Variants in RFX7 observed in about 807,000 individuals in gnomAD.
RFX7 encodes the protein DNA-binding protein RFX7.
In RFX7, 26 loss-of-function variants were observed where a neutral mutation model predicts 111.8. The ratio of observed to expected loss-of-function variants is 0.23; its 90% CI spans 0.17 to 0.32. The LOEUF is 0.32. RFX7 is among the 10% of genes least tolerant of loss of function. The probability of loss-of-function intolerance (pLI) is 1.00; values close to 1 mark genes in which losing one functional copy is unlikely to be tolerated. For synonymous variants in RFX7, 624 were observed against 624.4 expected (o/e 1.00, Z 0.01); for missense variants, 1,573 against 1,772.9 (o/e 0.89, Z 2.02).
At position 56,094,746 on chromosome 15, in the gene RFX7, T is replaced by G. The variant is rs771271783; in HGVS notation, c.2982A>C (p.Leu994Phe). The G allele has an allele frequency of 9.3e-6, 15 of 1,613,742 alleles. No individual in the cohort carries two copies. The highest frequency in any genetic ancestry group is 1.3e-5 in the Non-Finnish European group (15 of 1,179,786). ...CAATGGGTGTATGTCGGCTACTTCC[T>G]AAAGCACTATCCACAGGTGTAGTCT... ...LAQTTPVDSA[L>F]GSSRHTPIGT... Residue 994 changes from leucine (L) to phenylalanine (F), a missense_variant, in exon 10 of 10, where the codon TTA becomes TTC. This residue lies in a region of RFX7 where 625 missense variants were observed against 632.2 expected (regional missense o/e 0.99). Coordinates refer to ENST00000559447, the MANE Select transcript of RFX7 (RefSeq NM_022841.7).
chr15:56,136,693 C>T (rs2141006271), intron 5 of RFX7, among the ~76,000 whole-genome samples: 1 of 150,578 alleles, frequency 6.6e-6, no homozygotes, highest in East Asian at 2.0e-4. Context: ...CTGTCTTGTG[C>T]CAGTTTTCAA....
intron 5 of RFX7, among the ~76,000 whole-genome samples, 177 bp from the exon 6 acceptor site, chr15:56,103,847 G>C (rs1367811359): frequency 6.6e-6 from 1 of 152,176 alleles, no homozygotes; most frequent in Non-Finnish European, 1.5e-5. Flanking sequence ...GGTTTAGTTA[G>C]CTGGCTTCAA....
chr15:56,207,350 T>A (rs1284245969), intron 2 of RFX7, among the ~76,000 whole-genome samples: 1 of 152,160 alleles, frequency 6.6e-6, no homozygotes, highest in African/African-American at 2.4e-5. Context: ...TGTGGATGGC[T>A]AGTGTTGATG....
At chr15:56,113,284 A>G (rs1333472008) in intron 5 of RFX7, among the ~76,000 whole-genome samples, 1 of 152,252 alleles carries the variant, frequency 6.6e-6, no homozygotes, top group East Asian at 1.9e-4. Flanking sequence ...TGGATAAAGA[A>G]AATGTACATA....
chr15:56,170,077 T>G (rs1375622430), intron 3 of RFX7, among the ~76,000 whole-genome samples: 1 of 152,202 alleles, frequency 6.6e-6, no homozygotes, highest in African/African-American at 2.4e-5. Context: ...CCGCAGTATG[T>G]TTAATGATTG....
intron 5 of RFX7, among the ~76,000 whole-genome samples, chr15:56,117,446 A>G (rs1177218276): frequency 6.6e-6 from 1 of 152,184 alleles, no homozygotes; most frequent in African/African-American, 2.4e-5. Flanking sequence ...TGAACAGATC[A>G]GGGTAATTAG....
chr15:56,226,927 T>G (rs2043492110), intron 2 of RFX7, among the ~76,000 whole-genome samples: 1 of 152,114 alleles, frequency 6.6e-6, no homozygotes, highest in South Asian at 2.1e-4. Context: ...AAAAGGGAGC[T>G]TGCTTTCTGT....
In RFX7 at chr15:56,178,203, A is replaced by G. The variant is rs73409493; in HGVS notation, c.195+1067T>C. Among the ~76,000 whole-genome samples, 1,009 of 148,880 alleles carry G rather than the reference A, an allele frequency of 6.8e-3. 19 individuals carry two copies. Among genetic ancestry groups the G allele is most frequent in the African/African-American group, 0.024 (949 of 39,406 alleles). On this transcript the variant is annotated intron_variant, in intron 3 of 9. Transcript: ENST00000559447. Reference sequence around the variant, plus strand: ...CACACACACACACACACACACACACACACACACAACAAAAAGAAGAGTAAA... The same window carrying G: ...CACACACACACACACACACACACACGCACACACAACAAAAAGAAGAGTAAA...
intron 5 of RFX7, among the ~76,000 whole-genome samples, chr15:56,132,319 T>C (rs2042228777): frequency 6.6e-6 from 1 of 152,084 alleles, no homozygotes; most frequent in Non-Finnish European, 1.5e-5. Flanking sequence ...TCCTGTCAGC[T>C]ATTTAAACAT....
chr15:56,107,268 G>C (rs1334693360), intron 5 of RFX7, among the ~76,000 whole-genome samples: 10 of 118,836 alleles, frequency 8.4e-5, no homozygotes, highest in African/African-American at 3.0e-4. Flanking sequence ...CTGCACTCCA[G>C]CCTGGGCAGT....
intron 5 of RFX7, among the ~76,000 whole-genome samples, chr15:56,111,907 G>A (rs936115459): frequency 2.0e-5 from 3 of 151,950 alleles, no homozygotes; most frequent in Admixed American, 6.5e-5. Flanking sequence ...ACGAGGTCAG[G>A]AGGTCGAGAC....
intron 3 of RFX7, among the ~76,000 whole-genome samples, chr15:56,151,212 C>G (rs1216066195): frequency 6.6e-6 from 1 of 152,128 alleles, no homozygotes; most frequent in Non-Finnish European, 1.5e-5. Flanking sequence ...CAGAGACCAC[C>G]ACAAAGATAC....
At chr15:56,216,613 T>A (rs907941532) in intron 2 of RFX7, among the ~76,000 whole-genome samples, 1 of 152,214 alleles carries the variant, frequency 6.6e-6, no homozygotes, top group African/African-American at 2.4e-5. Flanking sequence ...TTAATCAATT[T>A]CTACCTCTTA....
intron 5 of RFX7, among the ~76,000 whole-genome samples, chr15:56,123,819 G>T (rs1333940698): frequency 3.3e-5 from 5 of 152,162 alleles, no homozygotes; most frequent in African/African-American, 1.2e-4. Flanking sequence ...GCTGAGTTCT[G>T]CCCACTGTTG....
At chr15:56,138,678 T>G (rs1335213298) in intron 5 of RFX7, among the ~76,000 whole-genome samples, 1 of 152,208 alleles carries the variant, frequency 6.6e-6, no homozygotes, top group Non-Finnish European at 1.5e-5. Context: ...CTGGTTGTTT[T>G]GCCCGTTAGT....
chr15:56,160,547 A>G (rs1319655185), intron 3 of RFX7, among the ~76,000 whole-genome samples: 1 of 152,056 alleles, frequency 6.6e-6, no homozygotes, highest in Admixed American at 6.6e-5. Flanking sequence ...AAGAAATACT[A>G]ATTTTTCCCC....
At chr15:56,156,096 G>A (rs767357833) in intron 3 of RFX7, among the ~76,000 whole-genome samples, 3 of 151,996 alleles carry the variant, frequency 2.0e-5, no homozygotes, top group African/African-American at 4.8e-5. Flanking sequence ...CATTTACTCA[G>A]GAAAGTATGC....
intron 5 of RFX7, among the ~76,000 whole-genome samples, chr15:56,142,235 T>C (rs2042410753): frequency 6.6e-6 from 1 of 152,204 alleles, no homozygotes; most frequent in African/African-American, 2.4e-5. Flanking sequence ...TTTTGTATCC[T>C]GGATTTAAAT....
At chr15:56,230,119 G>C (rs2043534009) in intron 2 of RFX7, among the ~76,000 whole-genome samples, 1 of 152,088 alleles carries the variant, frequency 6.6e-6, no homozygotes, top group Non-Finnish European at 1.5e-5. Flanking sequence ...ACTTAAAAAA[G>C]CCATCTCCAA....
Sources: gnomAD v4.1 joint callset for allele counts (sites outside exome capture counted in the v4.1 genomes callset) on GRCh38, gnomAD v4.1.1 for gene constraint, gnomAD v4.1.1 regional missense constraint, MANE v1.5 for transcripts, NCBI Gene and HGNC (gene_info 2026-07-23, HGNC 2026-07-21) for gene names.